Variants in KCNK2 observed in about 807,000 individuals in gnomAD.
The protein encoded by KCNK2 is potassium channel subfamily K member 2.
In KCNK2, 21 loss-of-function variants were observed where a neutral mutation model predicts 40.5. The ratio of observed to expected loss-of-function variants is 0.52; its 90% confidence interval spans 0.37 to 0.75. The LOEUF (loss-of-function observed/expected upper bound fraction) is 0.75. Among genes scored for constraint, KCNK2 ranks in the 30% least tolerant of loss-of-function variants. The pLI, the probability that KCNK2 is intolerant of heterozygous loss-of-function variation, is 0.00. For synonymous variants in KCNK2, 191 were observed against 202.2 expected (o/e 0.94, Z 0.47); for missense variants, 399 against 531.6 (o/e 0.75, Z 2.45).
At chr1:215,047,024 A>C (rs146887062) in intron 1 of KCNK2, among the ~76,000 whole-genome samples, 6 of 152,106 alleles carry the variant, frequency 3.9e-5, no homozygotes, top group Non-Finnish European at 8.8e-5. Context: ...ACAACTTCTT[A>C]GAGTCTGGAA....
rs573211080 is a variant in KCNK2, at chr1:215,117,883, T to C, written c.358-6750T>C. On this transcript the variant is annotated intron_variant, in intron 2 of 6. Transcript: ENST00000444842. ...TATCCTGCTGCCCCTTAGTGGAACC[T>C]AATTTAATATGTAAAATGGCCCAAG... is the stretch of plus-strand genomic sequence containing the variant. Among the ~76,000 whole-genome samples, 104 of 152,220 alleles carry C rather than the reference T, an allele frequency of 6.8e-4. 1 individual carries two copies. The highest frequency in any genetic ancestry group is 2.0e-3 in the African/African-American group (83 of 41,564).
intron 1 of KCNK2, among the ~76,000 whole-genome samples, chr1:215,075,052 G>A (rs1196351463): frequency 1.3e-5 from 2 of 152,106 alleles, no homozygotes; most frequent in Non-Finnish European, 2.9e-5. Context: ...ATTAACATAT[G>A]CTGTATGTAC....
At chr1:215,124,852 G>A in intron 3 of KCNK2, 102 bp downstream of exon 3, 1 of 715,798 alleles carries the variant, frequency 1.4e-6, no homozygotes, top group Non-Finnish European at 2.5e-6. Context: ...ATCTACTTAA[G>A]GTAGAAAAAC....
chr1:215,182,116 C>T (rs1664240774), intron 5 of KCNK2, among the ~76,000 whole-genome samples: 1 of 152,164 alleles, frequency 6.6e-6, no homozygotes, highest in Admixed American at 6.5e-5. Flanking sequence ...GAGTGCCCCC[C>T]TGCACCAAGA....
At chr1:215,177,584 A>G (rs1664028380) in intron 5 of KCNK2, among the ~76,000 whole-genome samples, 1 of 151,538 alleles carries the variant, frequency 6.6e-6, no homozygotes, top group Non-Finnish European at 1.5e-5. Context: ...CTAGCTAGCT[A>G]TCCCAGCACC....
At chr1:215,131,176 A>G (rs1661660527) in intron 3 of KCNK2, among the ~76,000 whole-genome samples, 1 of 151,480 alleles carries the variant, frequency 6.6e-6, no homozygotes, top group African/African-American at 2.4e-5. Context: ...TTTTATTTTT[A>G]AGTTTTTTTT....
rs1162302568 is a variant in KCNK2 at position 215,007,185 on chromosome 1, GTATATATATATA to G, written c.34+1261_34+1272del. Among the ~76,000 whole-genome samples the G allele has an allele frequency of 3.4e-3, 105 of 31,024 alleles. 4 individuals carry two copies. Among genetic ancestry groups the G allele is most frequent in the African/African-American group, 9.1e-3 (74 of 8,162 alleles). 20.4% of individuals were successfully genotyped at this position (31,024 alleles called of 152,430 possible). ...TGTATATATATATGTATGTGTGTGG[GTATATATATATA>G]TATATATATATATATATATATATAT... On this transcript the variant is annotated intron_variant, in intron 1 of 6. Transcript: ENST00000391895.
At chr1:215,138,472 G>T (rs1249628479) in intron 3 of KCNK2, among the ~76,000 whole-genome samples, 6 of 152,122 alleles carry the variant, frequency 3.9e-5, no homozygotes, top group Non-Finnish European at 7.4e-5. Flanking sequence ...GAAATTGTGG[G>T]TGTATAGACC....
chr1:215,144,781 TAAAC>T (rs1452815847), intron 3 of KCNK2, among the ~76,000 whole-genome samples: 1 of 152,166 alleles, frequency 6.6e-6, no homozygotes, highest in Non-Finnish European at 1.5e-5. Context: ...TAGGCCATCT[TAAAC>T]AAGATACGGT....
At chr1:215,186,855 C>T (rs1664459292) in intron 5 of KCNK2, among the ~76,000 whole-genome samples, 1 of 152,206 alleles carries the variant, frequency 6.6e-6, no homozygotes, top group Non-Finnish European at 1.5e-5. Flanking sequence ...TTTTATTTGA[C>T]ATATGAGTAA....
chr1:215,155,412 A>G (rs957052617), intron 3 of KCNK2, among the ~76,000 whole-genome samples: 1 of 151,972 alleles, frequency 6.6e-6, no homozygotes, highest in East Asian at 1.9e-4. Flanking sequence ...TTTATTCCAG[A>G]TGGATTTTAG....
At chr1:215,230,956 A>G (rs1666636533) in intron 6 of KCNK2, among the ~76,000 whole-genome samples, 1 of 152,206 alleles carries the variant, frequency 6.6e-6, no homozygotes, top group Admixed American at 6.5e-5. Flanking sequence ...ATGGACTCCA[A>G]CAAGTCTGAG....
intron 3 of KCNK2, among the ~76,000 whole-genome samples, chr1:215,167,901 C>T (rs1663519442): frequency 6.6e-6 from 1 of 152,120 alleles, no homozygotes; most frequent in Non-Finnish European, 1.5e-5. Context: ...AGCTTCTTCA[C>T]AGCAAAAGAA....
chr1:215,083,196 C>CT lies in KCNK2; in HGVS notation c.-190_-189insT. On this transcript the variant is annotated 5_prime_UTR_variant, in exon 1 of 7. Coordinates refer to ENST00000444842, the MANE Select transcript of KCNK2 (RefSeq NM_001017425.3). ...CGCGATTTCGTTTCTTCTCACGCTC[C>CT]CCCCCCCGCCCCCTCCCGCGTCCAG... The CT allele has an allele frequency of 2.2e-6, 1 of 447,376 alleles. No individual in the cohort carries two copies. Among genetic ancestry groups the CT allele is most frequent in the Non-Finnish European group, 3.8e-6 (1 of 260,850 alleles). 27.7% of individuals were successfully genotyped at this position (447,376 alleles called of 1,614,324 possible). A position where few individuals can be genotyped will look rare whatever the true frequency, so the allele number is the denominator to read the frequency against.
At chr1:215,201,654 G>T (rs911791841) in intron 6 of KCNK2, among the ~76,000 whole-genome samples, 1 of 152,124 alleles carries the variant, frequency 6.6e-6, no homozygotes, top group Non-Finnish European at 1.5e-5. Flanking sequence ...GTGCTGTATT[G>T]GGTGCTGGGA....
At chr1:215,201,516 A>AT (rs1244391995) in intron 6 of KCNK2, among the ~76,000 whole-genome samples, 1 of 152,240 alleles carries the variant, frequency 6.6e-6, no homozygotes, top group Non-Finnish European at 1.5e-5. Flanking sequence ...ATAGAAATCC[A>AT]TATGAATGGT....
intron 1 of KCNK2, among the ~76,000 whole-genome samples, chr1:215,056,583 G>A (rs1308197710): frequency 7.5e-6 from 1 of 133,472 alleles, no homozygotes; most frequent in Non-Finnish European, 1.6e-5. Context: ...ATGTTTTAAT[G>A]TATAAAAGAT....
At chr1:215,030,100 A>C (rs377503059) in intron 1 of KCNK2, among the ~76,000 whole-genome samples, 2 of 152,180 alleles carry the variant, frequency 1.3e-5, no homozygotes, top group South Asian at 4.1e-4. Flanking sequence ...GATTTGGGCC[A>C]TTCTAAGAGG....
rs1466299641 is a variant in KCNK2, at chr1:215,132,943, C to T, written c.475+8193C>T. ...TATGTTACATCAGGCAAGAAGAGCA[C>T]CTAGTACCCAGAATCCTGTGCTAGC... On this transcript the variant is annotated intron_variant, in intron 3 of 6. Coordinates refer to ENST00000444842, the MANE Select transcript of KCNK2 (RefSeq NM_001017425.3). Among the ~76,000 whole-genome samples the T allele has an allele frequency of 2.6e-5, 4 of 152,134 alleles. No individual in the cohort carries two copies. The East Asian group carries it at 5.8e-4, about 22-fold the overall frequency.
Sources: gnomAD v4.1 joint callset for allele counts (sites outside exome capture counted in the v4.1 genomes callset) on GRCh38, gnomAD v4.1.1 for gene constraint, MANE v1.5 for transcripts, NCBI Gene and HGNC (gene_info 2026-07-23, HGNC 2026-07-21) for gene names.